DNM3: variants seen among roughly 807,000 people sequenced by gnomAD.
DNM3 encodes the protein dynamin-3.
In DNM3, 47 loss-of-function variants were observed where a neutral mutation model predicts 101.6. That is an observed-to-expected ratio of 0.46 (90% CI 0.37 to 0.59). The LOEUF (loss-of-function observed/expected upper bound fraction) is 0.59. Ranked by LOEUF, DNM3 falls within the 20% of genes least tolerant of loss-of-function variation. DNM3 has a pLI of 0.00. For missense variants in DNM3, 849 were observed against 1,085.7 expected (o/e 0.78, Z 3.06); for synonymous variants, 385 against 387.9 (o/e 0.99, Z 0.09).
chr1:172,018,969 T>C (rs2047635194), intron 4 of DNM3, among the ~76,000 whole-genome samples: 1 of 149,240 alleles, frequency 6.7e-6, no homozygotes, highest in African/African-American at 2.5e-5. Context: ...TTCCCCTTCC[T>C]TCCCTCCCTC....
At chr1:172,041,837 A>G (rs532181318) in intron 7 of DNM3, among the ~76,000 whole-genome samples, 172 bp from the exon 8 acceptor site, 42 of 152,322 alleles carry the variant, frequency 2.8e-4, no homozygotes, top group Non-Finnish European at 6.0e-4. Flanking sequence ...AATGATGTGT[A>G]TTTTGTATAA....
chr1:172,030,083 G>C (rs10910939), intron 4 of DNM3, among the ~76,000 whole-genome samples: 55,483 of 151,920 alleles, frequency 0.37, 10,594 homozygotes, highest in East Asian at 0.64. Flanking sequence ...AAACCAAAAA[G>C]AGCCCATGTA....
intron 2 of DNM3, among the ~76,000 whole-genome samples, chr1:171,928,247 A>G (rs2040732880): frequency 6.6e-6 from 1 of 151,954 alleles, no homozygotes; most frequent in South Asian, 2.1e-4. Flanking sequence ...CCCTCTCAAC[A>G]CTCTGAAAGG....
intron 20 of DNM3, chr1:172,394,446 G>T (rs1440863666): frequency 6.6e-6 from 1 of 152,198 alleles, no homozygotes; most frequent in Non-Finnish European, 1.5e-5. Context: ...AAATAAGAAA[G>T]GATCTACATA....
chr1:172,240,970 A>C (rs2061726447), intron 14 of DNM3, among the ~76,000 whole-genome samples: 2 of 147,104 alleles, frequency 1.4e-5, no homozygotes, highest in South Asian at 4.3e-4. Context: ...TAGTAACTGA[A>C]AAAGTATAAA....
intron 1 of DNM3, among the ~76,000 whole-genome samples, chr1:171,874,251 A>G (rs889736881): frequency 6.6e-6 from 1 of 152,208 alleles, no homozygotes; most frequent in African/African-American, 2.4e-5. Context: ...ATCTATATAT[A>G]CATATGTGGA....
chr1:172,180,465 G>T (rs2059305366), intron 14 of DNM3, among the ~76,000 whole-genome samples: 1 of 152,050 alleles, frequency 6.6e-6, no homozygotes, highest in Non-Finnish European at 1.5e-5. Context: ...TAGATAAATA[G>T]TCTAAGGACA....
intron 17 of DNM3, chr1:172,338,686 T>G (rs961372270): frequency 2.8e-6 from 1 of 362,404 alleles, no homozygotes; most frequent in Non-Finnish European, 5.5e-6. Context: ...GCCCACCAGG[T>G]GCGCCCTGAG....
At chr1:171,885,243 C>T (rs1236719604) in intron 1 of DNM3, among the ~76,000 whole-genome samples, 2 of 151,918 alleles carry the variant, frequency 1.3e-5, no homozygotes, top group African/African-American at 4.8e-5. Flanking sequence ...GATTGTTTTA[C>T]GGAAAAATAA....
At chr1:172,232,059 T>C (rs1430285476) in intron 14 of DNM3, among the ~76,000 whole-genome samples, 1 of 152,132 alleles carries the variant, frequency 6.6e-6, no homozygotes, top group Non-Finnish European at 1.5e-5. Context: ...TAAATGTAAA[T>C]GGGCTAAATG....
intron 11 of DNM3, among the ~76,000 whole-genome samples, chr1:172,075,725 T>C (rs1017762264): frequency 4.6e-5 from 7 of 152,224 alleles, no homozygotes; most frequent in African/African-American, 1.7e-4. Flanking sequence ...AGCTTTGTAG[T>C]ATAGTTTGAA....
At position 172,184,692 on chromosome 1, in the gene DNM3, G is replaced by GA. The variant is rs1301688184; in HGVS notation, c.1659+53409dup. Reference sequence around the variant, plus strand: ...TGTAAGCCCAGGAATGGGAAAGGAGGAAAAATCATCTTAGAGTTTATTAAG... The same window carrying GA: ...TGTAAGCCCAGGAATGGGAAAGGAGGAAAAAATCATCTTAGAGTTTATTAAG... On this transcript the variant is annotated intron_variant, in intron 14 of 20. Coordinates refer to ENST00000627582, the MANE Select transcript of DNM3 (RefSeq NM_015569.5). Among the ~76,000 whole-genome samples the GA allele has an allele frequency of 2.6e-5, 4 of 152,060 alleles. No homozygotes were observed. In the East Asian group the frequency reaches 7.7e-4, roughly 29 times the overall value.
intron 17 of DNM3, among the ~76,000 whole-genome samples, chr1:172,342,839 A>G (rs1478556508): frequency 1.3e-5 from 2 of 152,216 alleles, no homozygotes; most frequent in Non-Finnish European, 2.9e-5. Flanking sequence ...TGTTTCTGAT[A>G]TGAGTCAGTT....
intron 17 of DNM3, among the ~76,000 whole-genome samples, chr1:172,337,540 G>C (rs2066483168): frequency 6.6e-6 from 1 of 152,182 alleles, no homozygotes; most frequent in African/African-American, 2.4e-5. Flanking sequence ...GAGAAAAACA[G>C]GGATAAAGAA....
At chr1:172,127,261 C>T (rs908887266) in intron 13 of DNM3, among the ~76,000 whole-genome samples, 7 of 152,050 alleles carry the variant, frequency 4.6e-5, no homozygotes, top group Non-Finnish European at 8.8e-5. Flanking sequence ...ACCTCCCCGG[C>T]CTCACAAGAT....
rs1354655083 is a variant in DNM3, at chr1:172,012,852, A to G, written c.590-19550A>G. ...TAAAATAAAAACTGGGTTATTCAGA[A>G]TTGTTGAAAGTAACAAGAAACTACT... On this transcript the variant is annotated intron_variant, in intron 4 of 20. Coordinates refer to ENST00000627582, the MANE Select transcript of DNM3 (RefSeq NM_015569.5). 2.6e-5 allele frequency among the ~76,000 whole-genome samples: 4 copies of G among 152,050 alleles called. No homozygotes were observed. In the East Asian group the frequency reaches 5.8e-4, roughly 22 times the overall value.
At chr1:172,041,553 C>G (rs1164777806) in intron 7 of DNM3, among the ~76,000 whole-genome samples, 1 of 152,086 alleles carries the variant, frequency 6.6e-6, no homozygotes, top group Non-Finnish European at 1.5e-5. Flanking sequence ...GCCCTTGAAG[C>G]TATGGCAACC....
At chr1:172,052,365 A>T (rs944167689) in intron 10 of DNM3, among the ~76,000 whole-genome samples, 2 of 152,118 alleles carry the variant, frequency 1.3e-5, no homozygotes, top group African/African-American at 2.4e-5. Flanking sequence ...ATCACATTTT[A>T]AAAAATCAAC....
intron 15 of DNM3, 126 bp from the exon 16 acceptor site, chr1:172,308,602 C>G: frequency 1.5e-5 from 6 of 411,164 alleles, no homozygotes; most frequent in Non-Finnish European, 8.5e-6. Context: ...TTTTTGTTTT[C>G]CTTCAGTGAC....
Sources: gnomAD v4.1 joint callset for allele counts (sites outside exome capture counted in the v4.1 genomes callset) on GRCh38, gnomAD v4.1.1 for gene constraint, MANE v1.5 for transcripts, NCBI Gene and HGNC (gene_info 2026-07-23, HGNC 2026-07-21) for gene names.